The following RPH3A variants were observed in gnomAD, a reference collection of about 807,000 sequenced individuals.
RPH3A encodes rabphilin 3A.
A neutral mutation model predicts 102.2 loss-of-function variants in RPH3A; 48 were observed. The ratio of observed to expected loss-of-function variants is 0.47; its 90% confidence interval spans 0.37 to 0.60. The LOEUF (loss-of-function observed/expected upper bound fraction) is 0.60, where lower values mean the gene tolerates loss of function less well. RPH3A is among the 20% of genes least tolerant of loss of function. The pLI is 0.00. For missense variants in RPH3A, 781 were observed against 910.1 expected (o/e 0.86, Z 1.83); for synonymous variants, 310 against 324.3 (o/e 0.96, Z 0.47).
chr12:112,819,263 G>A (rs1388306285), intron 2 of RPH3A, among the ~76,000 whole-genome samples: 4 of 151,930 alleles, frequency 2.6e-5, no homozygotes, highest in South Asian at 2.1e-4. Flanking sequence ...GCACCACCAT[G>A]CCCAACTAAT....
intron 15 of RPH3A, 103 bp from the exon 16 acceptor site, chr12:112,883,190 T>A (rs569967567): frequency 3.9e-5 from 31 of 793,422 alleles, no homozygotes; most frequent in South Asian, 2.8e-4. Context: ...GACACTCCTA[T>A]GGGGAAAGCC....
chr12:112,648,568 TACAAAAAAAAAAA>T (rs1381856679), intron 1 of RPH3A, among the ~76,000 whole-genome samples: 1 of 1,052 alleles, frequency 9.5e-4, no homozygotes, highest in Admixed American at 0.014. Context: ...ACCCCATCTC[TACAAAAAAAAAAA>T]AAAAAAAAAA....
At chr12:112,651,275 A>G (rs1220065623) in intron 1 of RPH3A, among the ~76,000 whole-genome samples, 1 of 151,956 alleles carries the variant, frequency 6.6e-6, no homozygotes, top group Non-Finnish European at 1.5e-5. Context: ...ATGCAGGAGG[A>G]TGGCTTGAAC....
At chr12:112,814,176 G>A (rs965479367) in intron 2 of RPH3A, among the ~76,000 whole-genome samples, 11 of 151,802 alleles carry the variant, frequency 7.2e-5, no homozygotes, top group Admixed American at 2.6e-4. Flanking sequence ...GATAAGAAGA[G>A]CCCTTTCCTG....
At chr12:112,717,588 T>C (rs986376943) in intron 1 of RPH3A, among the ~76,000 whole-genome samples, 8 of 152,180 alleles carry the variant, frequency 5.3e-5, no homozygotes, top group African/African-American at 1.9e-4. Flanking sequence ...TTCCTTTTTA[T>C]TGATCAGTAG....
upstream of RPH3A, among the ~76,000 whole-genome samples, chr12:112,790,994 T>A (rs2041093334): frequency 6.6e-6 from 1 of 152,154 alleles, no homozygotes; most frequent in Admixed American, 6.5e-5. Context: ...AAAAATAAGG[T>A]CATTATGTTA....
At chr12:112,660,686 AAAAC>A (rs1175697386) in intron 1 of RPH3A, among the ~76,000 whole-genome samples, 4 of 152,176 alleles carry the variant, frequency 2.6e-5, no homozygotes. Context: ...CCCTGTCTCC[AAAAC>A]AAACAAACAA....
chr12:112,704,059 C>G lies in RPH3A; in HGVS notation c.-139-88084C>G, dbSNP rs1315795093. On this transcript the variant is annotated intron_variant, in intron 1 of 21. Coordinates refer to the RPH3A transcript ENST00000543106. ...GCAGTGAGACACCCCTCTTTTCACT[C>G]CATTTCCTCCTATCTTTTCTCTTCT... 2.0e-5 allele frequency among the ~76,000 whole-genome samples: 3 copies of G among 151,916 alleles called. No homozygotes were observed. In the East Asian group the frequency reaches 5.8e-4, roughly 29 times the overall value.
chr12:112,596,586 G>A (rs1032021768), intron 1 of RPH3A, among the ~76,000 whole-genome samples: 2 of 152,098 alleles, frequency 1.3e-5, no homozygotes, highest in African/African-American at 2.4e-5. Flanking sequence ...TCAGTCTTTT[G>A]TCTATTATTT....
intron 1 of RPH3A, among the ~76,000 whole-genome samples, chr12:112,598,980 G>A (rs1323042577): frequency 6.6e-6 from 1 of 152,164 alleles, no homozygotes; most frequent in Non-Finnish European, 1.5e-5. Flanking sequence ...GGTAATATGG[G>A]TGTGTAACAT....
chr12:112,750,793 G>A (rs1404880034), intron 1 of RPH3A, among the ~76,000 whole-genome samples: 2 of 152,164 alleles, frequency 1.3e-5, no homozygotes, highest in Non-Finnish European at 2.9e-5. Flanking sequence ...CCTGGCCACA[G>A]TTATGGGTTC....
chr12:112,779,475 G>A (rs1214931062), intron 1 of RPH3A, among the ~76,000 whole-genome samples: 1 of 152,182 alleles, frequency 6.6e-6, no homozygotes, highest in Non-Finnish European at 1.5e-5. Context: ...GGTCTGCAAA[G>A]TACTTTCTCA....
chr12:112,767,839 T>C (rs1032760485), intron 1 of RPH3A, among the ~76,000 whole-genome samples: 4 of 152,130 alleles, frequency 2.6e-5, no homozygotes, highest in Non-Finnish European at 4.4e-5. Flanking sequence ...AAAAAAATCA[T>C]GCTAAGTGAA....
intron 1 of RPH3A, among the ~76,000 whole-genome samples, chr12:112,698,610 A>T (rs1009547275): frequency 3.9e-5 from 6 of 152,134 alleles, no homozygotes; most frequent in African/African-American, 1.4e-4. Context: ...ACTGTTAAGA[A>T]AATGATGACA....
intron 1 of RPH3A, among the ~76,000 whole-genome samples, chr12:112,711,139 A>C (rs928974422): frequency 4.6e-5 from 7 of 152,304 alleles, no homozygotes; most frequent in Middle Eastern, 3.4e-3. Context: ...AGGTCTGTAC[A>C]CACCCTGCAT....
intron 14 of RPH3A, among the ~76,000 whole-genome samples, chr12:112,881,384 C>T (rs2042907589): frequency 6.6e-6 from 1 of 152,184 alleles, no homozygotes; most frequent in Admixed American, 6.5e-5. Context: ...GACATGTCCT[C>T]CCATCCTAGC....
intron 6 of RPH3A, among the ~76,000 whole-genome samples, chr12:112,866,245 A>T (rs1258912694): frequency 6.6e-6 from 1 of 152,226 alleles, no homozygotes; most frequent in Admixed American, 6.5e-5. Flanking sequence ...TCAACTCGAT[A>T]GCGAGAATTT....
chr12:112,687,934 A>T (rs950271056), intron 1 of RPH3A, among the ~76,000 whole-genome samples: 4 of 152,146 alleles, frequency 2.6e-5, no homozygotes, highest in Non-Finnish European at 4.4e-5. Context: ...CCTTTATATA[A>T]ACATTCCAGC....
At position 112,704,505 on chromosome 12, in the gene RPH3A, C is replaced by G. The variant is rs554947792; in HGVS notation, c.-139-87638C>G. Among the ~76,000 whole-genome samples, 6 of 152,266 alleles carry G rather than the reference C, an allele frequency of 3.9e-5. No individual in the cohort carries two copies. The East Asian group carries it at 1.2e-3, about 29-fold the overall frequency. The stretch of plus-strand genomic sequence containing the variant: ...TGATGGCCACAGCTGGTAGTGTGGT[C>G]TCTGAGTAGGTGGTGTGAGTGGTTT... On this transcript the variant is annotated intron_variant, in intron 1 of 21. Transcript: ENST00000543106.
Sources: gnomAD v4.1 joint callset for allele counts (sites outside exome capture counted in the v4.1 genomes callset) on GRCh38, gnomAD v4.1.1 for gene constraint, MANE v1.5 for transcripts, NCBI Gene and HGNC (gene_info 2026-07-23, HGNC 2026-07-21) for gene names.